The following EYS variants were observed in gnomAD, a reference collection of about 807,000 sequenced individuals.
The protein encoded by EYS is protein eyes shut homolog.
A neutral mutation model predicts 282.1 loss-of-function variants in EYS; 250 were observed. The ratio of observed to expected loss-of-function variants is 0.89; its 90% CI spans 0.80 to 0.98. The LOEUF (loss-of-function observed/expected upper bound fraction) is 0.98. Ranked by LOEUF, EYS falls within the 50% of genes least tolerant of loss-of-function variation. The pLI is 0.00. For synonymous variants in EYS, 1,355 were observed against 1,282.9 expected, an observed-to-expected ratio of 1.06 and a Z score of -1.20; for missense variants, 4,016 against 3,709.0, an observed-to-expected ratio of 1.08 and a Z score of -2.15.
At chr6:64,327,753 C>T (rs1770484016) in intron 29 of EYS, among the ~76,000 whole-genome samples, 1 of 152,156 alleles carries the variant, frequency 6.6e-6, no homozygotes, top group African/African-American at 2.4e-5. Flanking sequence ...AAAAACCCGT[C>T]CTACAGGCCC....
At chr6:64,085,340 G>A (rs867892725) in intron 31 of EYS, among the ~76,000 whole-genome samples, 8,251 of 139,760 alleles carry the variant, frequency 0.059, 291 homozygotes, top group African/African-American at 0.1. Flanking sequence ...ACGTGCGCGC[G>A]CACACACACA....
intron 14 of EYS, among the ~76,000 whole-genome samples, chr6:64,989,830 AC>A (rs1771004070): frequency 6.9e-6 from 1 of 145,572 alleles, no homozygotes; most frequent in South Asian, 2.2e-4. Flanking sequence ...ACACACACAC[AC>A]ACTCACACAC....
chr6:63,743,910 T>C (rs541104916), intron 41 of EYS, among the ~76,000 whole-genome samples: 8 of 152,298 alleles, frequency 5.3e-5, no homozygotes, highest in Middle Eastern at 3.4e-3. Context: ...GTGAGGTCCC[T>C]GACAGGAGGG....
At chr6:64,087,420 T>C (rs1304247570) in intron 31 of EYS, among the ~76,000 whole-genome samples, 2 of 152,106 alleles carry the variant, frequency 1.3e-5, no homozygotes, top group Non-Finnish European at 2.9e-5. Flanking sequence ...CATGTTCTCT[T>C]GACCATTTTT....
intron 31 of EYS, among the ~76,000 whole-genome samples, chr6:64,092,118 A>C (rs1229045173): frequency 6.6e-6 from 1 of 151,668 alleles, no homozygotes; most frequent in Non-Finnish European, 1.5e-5. Context: ...TCCATGGTGT[A>C]TATGTGCCAC....
At chr6:63,962,039 G>A (rs995178996) in intron 35 of EYS, among the ~76,000 whole-genome samples, 4 of 152,150 alleles carry the variant, frequency 2.6e-5, no homozygotes, top group Admixed American at 6.5e-5. Context: ...ACGGTGTTGG[G>A]AAAACTGGCT....
In EYS at chr6:65,511,947, T is replaced by C. The variant is rs1485321883; in HGVS notation, c.-332-15954A>G. Reference sequence around the variant, plus strand: ...TTGCAGTGAGCCGAGATTATGCCACTGCACTCCAGCCTGGGTGATGCAGCA... The same window carrying C: ...TTGCAGTGAGCCGAGATTATGCCACCGCACTCCAGCCTGGGTGATGCAGCA... On this transcript the variant is annotated intron_variant, in intron 2 of 42. Coordinates refer to ENST00000503581, the MANE Select transcript of EYS (RefSeq NM_001142800.2). Among the ~76,000 whole-genome samples the C allele has an allele frequency of 1.6e-4, 21 of 133,104 alleles. No individual in the cohort carries two copies. In the Admixed American group the frequency reaches 1.9e-3, roughly 12 times the overall value. 87.3% of individuals were successfully genotyped at this position (133,104 alleles called of 152,430 possible). A position where few individuals can be genotyped will look rare whatever the true frequency, so the allele number is the denominator to read the frequency against.
chr6:64,922,135 G>C (rs1172361668), intron 15 of EYS, among the ~76,000 whole-genome samples: 1 of 152,088 alleles, frequency 6.6e-6, no homozygotes, highest in Non-Finnish European at 1.5e-5. Context: ...TTATTCACTG[G>C]GGTGACGAAA....
intron 12 of EYS, among the ~76,000 whole-genome samples, chr6:65,232,413 A>AAG (rs1766806303): frequency 2.0e-5 from 3 of 148,436 alleles, no homozygotes; most frequent in African/African-American, 7.3e-5. Flanking sequence ...ACTTTCTTAT[A>AAG]ATTAATCTTT....
At chr6:64,562,534 G>A in intron 26 of EYS, among the ~76,000 whole-genome samples, 1 of 151,804 alleles carries the variant, frequency 6.6e-6, no homozygotes, top group East Asian at 1.9e-4. Context: ...CTCATTTAAT[G>A]ATGGTTGAGT....
intron 24 of EYS, among the ~76,000 whole-genome samples, chr6:64,613,327 A>C (rs1582954575): frequency 6.8e-6 from 1 of 147,670 alleles, no homozygotes; most frequent in Admixed American, 6.6e-5. Flanking sequence ...ATTGAATTAC[A>C]TGAATGAAAG....
intron 12 of EYS, among the ~76,000 whole-genome samples, chr6:65,223,540 A>C (rs1412699721): frequency 3.3e-5 from 5 of 152,216 alleles, no homozygotes; most frequent in Non-Finnish European, 7.4e-5. Context: ...GAGGAGGCAA[A>C]AATGACTGTT....
At position 64,802,032 on chromosome 6, in the gene EYS, TC is replaced by T. The variant is rs1346771279; in HGVS notation, c.3443+11345del. On this transcript the variant is annotated intron_variant, in intron 22 of 42. Coordinates refer to ENST00000503581, the MANE Select transcript of EYS (RefSeq NM_001142800.2). ...TAACAAATTTCTTTTTCTTTTTTTTTCTTTTTTTTTTTTTTTTTTGAGACGG... is the reference window on the plus strand; with the variant it reads ...TAACAAATTTCTTTTTCTTTTTTTTTTTTTTTTTTTTTTTTTTTGAGACGG... Among the ~76,000 whole-genome samples the T allele has an allele frequency of 4.9e-3, 566 of 115,312 alleles. 120 individuals carry two copies. Among genetic ancestry groups the T allele is most frequent in the Admixed American group, 0.012 (135 of 11,170 alleles). 75.6% of individuals were successfully genotyped at this position (115,312 alleles called of 152,430 possible).
At chr6:64,280,945 A>T (rs1178869963) in intron 30 of EYS, among the ~76,000 whole-genome samples, 1 of 152,148 alleles carries the variant, frequency 6.6e-6, no homozygotes, top group Non-Finnish European at 1.5e-5. Flanking sequence ...TTTTTTGGAA[A>T]TGAATGTTTC....
chr6:65,261,230 A>T (rs1767612142), intron 12 of EYS, among the ~76,000 whole-genome samples: 1 of 151,958 alleles, frequency 6.6e-6, no homozygotes, highest in South Asian at 2.1e-4. Context: ...TATTTTTTAA[A>T]CTGCATTTTG....
At chr6:64,963,066 T>C (rs1376727234) in intron 14 of EYS, among the ~76,000 whole-genome samples, 1 of 152,186 alleles carries the variant, frequency 6.6e-6, no homozygotes, top group Non-Finnish European at 1.5e-5. Context: ...CGTGCATGTA[T>C]TATTCTGAGT....
At chr6:65,413,590 T>C (rs779659557) in intron 5 of EYS, among the ~76,000 whole-genome samples, 19 of 152,128 alleles carry the variant, frequency 1.2e-4, no homozygotes, top group South Asian at 2.1e-4. Flanking sequence ...CCAGGTGCTG[T>C]GGCTCACACC....
At chr6:64,191,221 AC>A (rs1765093415) in intron 31 of EYS, among the ~76,000 whole-genome samples, 1 of 151,928 alleles carries the variant, frequency 6.6e-6, no homozygotes, top group Non-Finnish European at 1.5e-5. Flanking sequence ...AAATTGTTAC[AC>A]ATTTTTGGTG....
At chr6:64,430,230 C>T (rs1388882883) in intron 28 of EYS, among the ~76,000 whole-genome samples, 2 of 152,130 alleles carry the variant, frequency 1.3e-5, no homozygotes, top group African/African-American at 2.4e-5. Flanking sequence ...TCAGACTGCT[C>T]TGTGTTTTGA....
Sources: allele counts gnomAD v4.1 joint callset (sites outside exome capture counted in the v4.1 genomes callset), GRCh38; gene constraint gnomAD v4.1.1; transcripts MANE v1.5; gene names NCBI Gene and HGNC (gene_info 2026-07-23, HGNC 2026-07-21).